The following AGBL1 variants were observed in gnomAD, a reference collection of about 807,000 sequenced individuals.
AGBL1 encodes the protein AGBL carboxypeptidase 1, also known as cytosolic carboxypeptidase 4.
AGBL1 carries 130 observed loss-of-function variants against 118.9 expected under a neutral mutation model. That is an observed-to-expected ratio of 1.09 (90% confidence interval 0.95 to 1.26). AGBL1 has a LOEUF of 1.26. AGBL1 is among the 50% of genes most tolerant of loss of function. The pLI is 0.00. For missense variants in AGBL1, 1,584 were observed against 1,298.1 expected, an observed-to-expected ratio of 1.22 and a Z score of -3.38; for synonymous variants, 555 against 478.9, an observed-to-expected ratio of 1.16 and a Z score of -2.08.
chr15:86,509,915 T>A (rs1427624909), intron 18 of AGBL1, among the ~76,000 whole-genome samples: 2 of 150,496 alleles, frequency 1.3e-5, no homozygotes, highest in Non-Finnish European at 2.9e-5. Context: ...AGGATTACAC[T>A]GTAGCAAGTG....
chr15:86,622,808 T>C (rs1204912977), intron 21 of AGBL1, among the ~76,000 whole-genome samples: 1 of 152,212 alleles, frequency 6.6e-6, no homozygotes, highest in African/African-American at 2.4e-5. Context: ...TTATTAATAT[T>C]ACATTGTAAT....
rs192397103 is a variant in AGBL1, at chr15:86,879,363, C to T, written c.3159-27724C>T. ...GCTCAGGGGATGTTGGGCCTCCCCA[C>T]ATGGTCTTTTTTTGGGAAAGAACTT... On this transcript the variant is annotated intron_variant, in intron 22 of 22. Coordinates refer to ENST00000614907, the MANE Select transcript of AGBL1 (RefSeq NM_001386094.1). Among the ~76,000 whole-genome samples the T allele has an allele frequency of 2.4e-4, 37 of 152,304 alleles. 1 individual carries two copies. The East Asian group carries it at 6.8e-3, about 28-fold the overall frequency.
chr15:86,471,472 C>A (rs1029761468), intron 18 of AGBL1, among the ~76,000 whole-genome samples: 20 of 146,908 alleles, frequency 1.4e-4, no homozygotes, highest in Non-Finnish European at 1.5e-5. Context: ...ATTTTTGTAT[C>A]TGTTAATCAA....
chr15:86,191,527 G>A (rs2077721567), intron 5 of AGBL1, among the ~76,000 whole-genome samples: 1 of 151,904 alleles, frequency 6.6e-6, no homozygotes, highest in Non-Finnish European at 1.5e-5. Context: ...AGAGATTAAT[G>A]CAACTAGAAT....
At chr15:86,179,656 G>A (rs1019525623) in intron 5 of AGBL1, among the ~76,000 whole-genome samples, 9 of 152,114 alleles carry the variant, frequency 5.9e-5, no homozygotes, top group African/African-American at 1.9e-4. Context: ...AAACTAGACT[G>A]TCTACTGTCA....
rs1368113961 is a variant in AGBL1 at position 86,767,872 on chromosome 15, A to G, written c.3158+93436A>G. On this transcript the variant is annotated intron_variant, in intron 22 of 22. Transcript: ENST00000614907. ...CAAGACATCACAATCGAGAAGTCAA[A>G]CAATCTTATGTTCTATTCAAATGTG... Among the ~76,000 whole-genome samples, 5 of 152,116 alleles carry G rather than the reference A, an allele frequency of 3.3e-5. No homozygotes were observed. In the South Asian group the frequency reaches 6.2e-4, roughly 19 times the overall value.
intron 3 of AGBL1, among the ~76,000 whole-genome samples, chr15:86,153,705 A>C (rs1477854100): frequency 6.6e-6 from 1 of 152,178 alleles, no homozygotes; most frequent in Non-Finnish European, 1.5e-5. Flanking sequence ...TTTTCTTAAC[A>C]ATGTCTTTTG....
chr15:86,320,307 T>A (rs992664330), intron 17 of AGBL1, among the ~76,000 whole-genome samples: 19 of 152,120 alleles, frequency 1.2e-4, no homozygotes, highest in African/African-American at 2.9e-4. Context: ...ATTTTATTTT[T>A]TTTTTGTATA....
intron 18 of AGBL1, among the ~76,000 whole-genome samples, chr15:86,489,471 A>G (rs1052176056): frequency 4.6e-5 from 7 of 152,162 alleles, no homozygotes; most frequent in Admixed American, 6.5e-5. Flanking sequence ...TGAGCCAGAA[A>G]ACATATAAAT....
chr15:86,116,993 G>A (rs1897806739), intron 1 of AGBL1, among the ~76,000 whole-genome samples: 1 of 149,170 alleles, frequency 6.7e-6, no homozygotes, highest in Admixed American at 6.7e-5. Context: ...ACTTAGGCCA[G>A]TTGCTTAGTG....
chr15:86,853,304 T>C (rs2079432211), intron 22 of AGBL1, among the ~76,000 whole-genome samples: 1 of 152,226 alleles, frequency 6.6e-6, no homozygotes, highest in African/African-American at 2.4e-5. Context: ...CTAATGCTCA[T>C]ACAAGATCCA....
intron 21 of AGBL1, among the ~76,000 whole-genome samples, chr15:86,617,280 C>T (rs1029213872): frequency 6.6e-6 from 1 of 152,132 alleles, no homozygotes; most frequent in African/African-American, 2.4e-5. Context: ...GAGTCGATAG[C>T]CAACAATAAT....
intron 21 of AGBL1, among the ~76,000 whole-genome samples, chr15:86,649,945 T>G (rs1265123673): frequency 6.6e-6 from 1 of 152,238 alleles, no homozygotes; most frequent in Non-Finnish European, 1.5e-5. Context: ...ACCAATCAAT[T>G]TAACCATGAA....
intron 16 of AGBL1, among the ~76,000 whole-genome samples, chr15:86,293,528 G>A (rs930569694): frequency 6.6e-6 from 1 of 152,108 alleles, no homozygotes; most frequent in African/African-American, 2.4e-5. Context: ...GATTAGATTG[G>A]CCACAACTGG....
intron 17 of AGBL1, among the ~76,000 whole-genome samples, chr15:86,390,802 T>C (rs1306266687): frequency 4.6e-5 from 7 of 150,798 alleles, no homozygotes; most frequent in Admixed American, 4.0e-4. Flanking sequence ...CCCAAGGAGC[T>C]GGGATTACAG....
At chr15:86,348,662 C>T (rs1347238206) in intron 17 of AGBL1, among the ~76,000 whole-genome samples, 3 of 151,958 alleles carry the variant, frequency 2.0e-5, no homozygotes, top group Admixed American at 6.6e-5. Flanking sequence ...CCAGTAATCC[C>T]AGCTACTCAG....
At chr15:86,232,310 A>T (rs999918277) in intron 6 of AGBL1, among the ~76,000 whole-genome samples, 1 of 152,332 alleles carries the variant, frequency 6.6e-6, no homozygotes, top group East Asian at 1.9e-4. Flanking sequence ...AGCCGCAGAC[A>T]GTAAAGCATA....
At chr15:86,677,818 A>C (rs1021062400) in intron 22 of AGBL1, among the ~76,000 whole-genome samples, 6 of 152,206 alleles carry the variant, frequency 3.9e-5, no homozygotes, top group Non-Finnish European at 7.3e-5. Flanking sequence ...AAAAAGTTTA[A>C]TAATTAAAAA....
intron 1 of AGBL1, among the ~76,000 whole-genome samples, chr15:86,104,790 G>GT (rs1393601669): frequency 6.6e-6 from 1 of 152,218 alleles, no homozygotes; most frequent in Non-Finnish European, 1.5e-5. Context: ...CTTAGGACTT[G>GT]TGGGGGTGGT....
Sources: gnomAD v4.1 joint callset for allele counts (sites outside exome capture counted in the v4.1 genomes callset) on GRCh38, gnomAD v4.1.1 for gene constraint, MANE v1.5 for transcripts, NCBI Gene and HGNC (gene_info 2026-07-23, HGNC 2026-07-21) for gene names.